MAPK14: variants seen among roughly 807,000 people sequenced by gnomAD.
MAPK14 encodes mitogen-activated protein kinase 14, also known as CSAID-binding protein.
Under a neutral mutation model 49.6 loss-of-function variants are expected in MAPK14, and 16 were observed. That is an observed-to-expected ratio of 0.32 (90% CI 0.22 to 0.49). MAPK14 has a LOEUF of 0.49. Among genes scored for constraint, MAPK14 ranks in the 20% least tolerant of loss-of-function variants. The probability of loss-of-function intolerance (pLI) is 0.99; values close to 1 mark genes in which losing one functional copy is unlikely to be tolerated. For missense variants in MAPK14, 200 were observed against 441.2 expected, an observed-to-expected ratio of 0.45 and a Z score of 4.90; for synonymous variants, 142 against 158.0, an observed-to-expected ratio of 0.90 and a Z score of 0.76.
intron 2 of MAPK14, among the ~76,000 whole-genome samples, chr6:36,056,761 A>G (rs912172079): frequency 2.4e-4 from 36 of 152,230 alleles, no homozygotes; most frequent in African/African-American, 5.5e-4. Flanking sequence ...AAACTTTTCT[A>G]TTGTTTTGAG....
At chr6:36,084,638 A>G (rs995514500) in intron 8 of MAPK14, among the ~76,000 whole-genome samples, 7 of 152,268 alleles carry the variant, frequency 4.6e-5, no homozygotes, top group Non-Finnish European at 7.3e-5. Flanking sequence ...GAAGAATGAA[A>G]GGAAATGAAC....
At chr6:36,066,546 A>G (rs572149644) in intron 3 of MAPK14, among the ~76,000 whole-genome samples, 1 of 152,200 alleles carries the variant, frequency 6.6e-6, no homozygotes, top group Non-Finnish European at 1.5e-5. Flanking sequence ...AAAAGCCTCT[A>G]AAGAAGGTAA....
chr6:36,027,946 G>T lies in MAPK14; in HGVS notation c.-212G>T, dbSNP rs566534924. ...CGGAGCGCGTCCCTGCCCTTAGCGG[G>T]GCTTGCCCCAGTCGCAGGGGCACAT... is the stretch of plus-strand genomic sequence containing the variant. On this transcript the variant is annotated 5_prime_UTR_variant, in exon 1 of 12. Transcript: ENST00000229794. The T allele has an allele frequency of 2.3e-6, 1 of 432,630 alleles. No individual in the cohort carries two copies. Among genetic ancestry groups the T allele is most frequent in the East Asian group, 3.5e-5 (1 of 28,178 alleles). The allele number at this position is 432,630 out of a possible 1,614,324, so 26.8% of individuals were successfully genotyped here. A position where few individuals can be genotyped will look rare whatever the true frequency, so the allele number is the denominator to read the frequency against.
At chr6:36,054,469 G>C (rs904320378) in intron 2 of MAPK14, among the ~76,000 whole-genome samples, 4 of 152,146 alleles carry the variant, frequency 2.6e-5, no homozygotes, top group Non-Finnish European at 5.9e-5. Flanking sequence ...TCTATACATT[G>C]TTTTATAAGT....
At chr6:36,116,162 GTAGT>G (rs1174275414), downstream of MAPK14, among the ~76,000 whole-genome samples, 4 of 152,030 alleles carry the variant, frequency 2.6e-5, no homozygotes, top group Non-Finnish European at 2.9e-5. Context: ...AAATAATGAA[GTAGT>G]TAGATGCTTG....
chr6:36,065,430 C>T (rs1764009328), intron 3 of MAPK14, among the ~76,000 whole-genome samples: 1 of 150,644 alleles, frequency 6.6e-6, no homozygotes, highest in South Asian at 2.1e-4. Context: ...GAGGGCTTAA[C>T]GGATGAAGGA....
chr6:36,079,002 A>G (rs909238910), intron 8 of MAPK14, among the ~76,000 whole-genome samples: 17 of 152,248 alleles, frequency 1.1e-4, no homozygotes, highest in African/African-American at 4.1e-4. Flanking sequence ...GTCATGGGTC[A>G]AAGCACAGTC....
intron 9 of MAPK14, among the ~76,000 whole-genome samples, chr6:36,101,576 C>T (rs774115702): frequency 3.9e-5 from 6 of 152,082 alleles, no homozygotes; most frequent in Non-Finnish European, 5.9e-5. Flanking sequence ...ACCTCCACCT[C>T]CTGGGCTCAA....
downstream of MAPK14, among the ~76,000 whole-genome samples, chr6:36,111,945 G>A (rs1375376962): frequency 2.0e-5 from 3 of 152,150 alleles, no homozygotes; most frequent in Admixed American, 2.0e-4. Flanking sequence ...GGTGGCTCAC[G>A]CCTGTAATCT....
chr6:36,084,096 G>A (rs959286429), intron 8 of MAPK14, among the ~76,000 whole-genome samples: 1 of 152,184 alleles, frequency 6.6e-6, no homozygotes, highest in Non-Finnish European at 1.5e-5. Context: ...GCAAACTGCA[G>A]CAGCCCTATG....
At chr6:36,067,435 C>T (rs781051998) in intron 3 of MAPK14, among the ~76,000 whole-genome samples, 2 of 152,014 alleles carry the variant, frequency 1.3e-5, no homozygotes, top group Non-Finnish European at 2.9e-5. Context: ...CCCAGAAATA[C>T]GTATTTGTTG....
At chr6:36,096,793 C>G (rs1765460183) in intron 9 of MAPK14, 2 of 152,240 alleles carry the variant, frequency 1.3e-5, no homozygotes. Flanking sequence ...TGCTTCTAAG[C>G]AGGGACTTAG....
intron 1 of MAPK14, among the ~76,000 whole-genome samples, chr6:36,030,608 A>T (rs1447933338): frequency 6.8e-6 from 1 of 147,326 alleles, no homozygotes; most frequent in Non-Finnish European, 1.5e-5. Flanking sequence ...GATGATTTGA[A>T]CCCGGGAGGC....
At chr6:36,059,790 C>G (rs1430798134) in intron 3 of MAPK14, among the ~76,000 whole-genome samples, 1 of 152,144 alleles carries the variant, frequency 6.6e-6, no homozygotes, top group East Asian at 1.9e-4. Flanking sequence ...GGAGCTGGAA[C>G]TACAGGCACA....
intron 1 of MAPK14, among the ~76,000 whole-genome samples, chr6:36,039,489 ATG>A (rs985885149): frequency 5.9e-5 from 9 of 151,992 alleles, no homozygotes; most frequent in African/African-American, 2.2e-4. Flanking sequence ...GTGTGTGAGT[ATG>A]TGTGTCTTAC....
intron 1 of MAPK14, among the ~76,000 whole-genome samples, chr6:36,035,895 G>T (rs772522799): frequency 2.4e-4 from 37 of 152,104 alleles, no homozygotes; most frequent in Non-Finnish European, 4.6e-4. Context: ...TGGTTCATAG[G>T]TTTAAGGAAA....
intron 8 of MAPK14, among the ~76,000 whole-genome samples, chr6:36,078,085 A>C (rs1323752734): frequency 6.6e-6 from 1 of 152,250 alleles, no homozygotes; most frequent in Non-Finnish European, 1.5e-5. Context: ...GAAAGGCAGT[A>C]TAACATACAG....
chr6:36,064,094 T>TG (rs1259711585), intron 3 of MAPK14, among the ~76,000 whole-genome samples: 3 of 118,960 alleles, frequency 2.5e-5, no homozygotes, highest in African/African-American at 9.8e-5. Flanking sequence ...GTGTGTGTGT[T>TG]TGTTTTCTTT....
rs201436892 is a variant in MAPK14, at chr6:36,073,730, G to A, written c.447+10G>A. 2.5e-6 allele frequency: 4 copies of A among 1,611,582 alleles called. No homozygotes were observed. Among genetic ancestry groups the A allele is most frequent in the Non-Finnish European group, 3.4e-6 (4 of 1,178,946 alleles). On this transcript the variant is annotated intron_variant, in intron 5 of 11. Transcript: ENST00000229794. ...TGACATAATTCACAGGGTATGTATT[G>A]TGACTTTGATTACATTATTTTGGGG...
Sources: gnomAD v4.1 joint callset for allele counts (sites outside exome capture counted in the v4.1 genomes callset) on GRCh38, gnomAD v4.1.1 for gene constraint, MANE v1.5 for transcripts, NCBI Gene and HGNC (gene_info 2026-07-23, HGNC 2026-07-21) for gene names.